The following CD109 variants were observed in gnomAD, a reference collection of about 807,000 sequenced individuals.
CD109 encodes the protein CD109 antigen.
In CD109, 149 loss-of-function variants were observed where a neutral mutation model predicts 165.8. The ratio of observed to expected loss-of-function variants is 0.90; its 90% CI spans 0.79 to 1.03. CD109 has a LOEUF of 1.03. Among genes scored for constraint, CD109 ranks in the 50% least tolerant of loss-of-function variants. The probability of loss-of-function intolerance (pLI) is 0.00; values close to 1 mark genes in which losing one functional copy is unlikely to be tolerated. For missense variants in CD109, 1,712 were observed against 1,677.8 expected (o/e 1.02, Z -0.36); for synonymous variants, 585 against 592.1 (o/e 0.99, Z 0.18).
intron 23 of CD109, among the ~76,000 whole-genome samples, chr6:73,801,741 T>C (rs1468249843): frequency 6.6e-6 from 1 of 152,214 alleles, no homozygotes; most frequent in Admixed American, 6.5e-5. Context: ...TAAAATATGG[T>C]ATTTATAAAG....
rs749431978 is a variant in CD109, at chr6:73,771,414, TTCTC to T, written c.1675-11_1675-8del. The stretch of plus-strand genomic sequence containing the variant: ...AAAAGTGAAATAAGTTAATCCTCCT[TTCTC>T]TCTTTTTTAGATAAAGCTATATTGG... On this transcript the variant is annotated splice_polypyrimidine_tract_variant and intron_variant, in intron 14 of 32. Transcript: ENST00000287097. 1 of 1,592,656 alleles carries T rather than the reference TTCTC, an allele frequency of 6.3e-7. No homozygotes were observed. Among genetic ancestry groups the T allele is most frequent in the Non-Finnish European group, 8.5e-7 (1 of 1,171,062 alleles).
In CD109 at chr6:73,810,988, A is replaced by G. The variant is rs747769811; in HGVS notation, c.3547-4A>G. On this transcript the variant is annotated splice_region_variant and splice_polypyrimidine_tract_variant and intron_variant, in intron 27 of 32. Transcript: ENST00000287097. Reference sequence around the variant, plus strand: ...ATGTACAAATGTTTTTCTTCCCTCAACAGGATACCACTGTGGCTTTAAAGG... The same window carrying G: ...ATGTACAAATGTTTTTCTTCCCTCAGCAGGATACCACTGTGGCTTTAAAGG... 24 of 1,609,844 alleles carry G rather than the reference A, an allele frequency of 1.5e-5. No individual in the cohort carries two copies. Among genetic ancestry groups the G allele is most frequent in the African/African-American group, 6.7e-5 (5 of 74,604 alleles).
chr6:73,812,890 C>A (rs1445335197), intron 29 of CD109, among the ~76,000 whole-genome samples: 2 of 151,910 alleles, frequency 1.3e-5, no homozygotes, highest in Non-Finnish European at 1.5e-5. Flanking sequence ...TGTGATAGGA[C>A]CAAAAATGGT....
chr6:73,759,651 T>C, intron 7 of CD109, among the ~76,000 whole-genome samples: 1 of 152,234 alleles, frequency 6.6e-6, no homozygotes, highest in Middle Eastern at 3.2e-3. Context: ...TAAAAATTTT[T>C]ATGTCTGAGA....
Position 73,806,960 on chromosome 6 carries a change from A to C in CD109, c.3077A>C (p.Glu1026Ala), listed in dbSNP as rs1775588002. The change falls in exon 25 of 33, where the codon GAA (glutamate) becomes GCA (alanine). Residue 1026 changes from glutamate (E) to alanine (A), a missense_variant. Glu to Ala is a moderately radical substitution (Grantham distance 107). Transcript: ENST00000287097. Reference protein sequence around the residue: ...WLKGHQKSNGEFWDPGRVIHS... With the variant: ...WLKGHQKSNGAFWDPGRVIHS... ...AAAGGACATCAGAAATCCAACGGTG[A>C]ATTTTGGGATCCAGGAAGAGTGATT... The C allele has an allele frequency of 1.2e-6, 2 of 1,614,026 alleles. No individual in the cohort carries two copies. Among genetic ancestry groups the C allele is most frequent in the Non-Finnish European group, 1.7e-6 (2 of 1,179,978 alleles).
intron 2 of CD109, among the ~76,000 whole-genome samples, chr6:73,717,402 C>T (rs951320160): frequency 1.4e-4 from 22 of 151,924 alleles, no homozygotes; most frequent in African/African-American, 3.6e-4. Flanking sequence ...AATTTCAATC[C>T]GTGAACATGG....
the CD109 span, among the ~76,000 whole-genome samples, chr6:73,680,708 A>G: frequency 1.1e-3 from 164 of 152,316 alleles, no homozygotes; most frequent in Middle Eastern, 0.024. Context: ...GGAAGAGGGC[A>G]TTTGGCCCAG....
chr6:73,723,750 GGGAGGGA>G (rs887731048), intron 3 of CD109, among the ~76,000 whole-genome samples: 14 of 152,314 alleles, frequency 9.2e-5, no homozygotes, highest in Middle Eastern at 3.4e-3. Flanking sequence ...GGAGGGTAGA[GGGAGGGA>G]GGAGGGAGAG....
chr6:73,774,044 T>G (rs1174366062), intron 15 of CD109, among the ~76,000 whole-genome samples: 1 of 152,256 alleles, frequency 6.6e-6, no homozygotes, highest in Non-Finnish European at 1.5e-5. Flanking sequence ...GTCTTTTATG[T>G]CAGCTATTAT....
At chr6:73,771,215 T>A (rs566956500) in intron 14 of CD109, among the ~76,000 whole-genome samples, 2 of 152,330 alleles carry the variant, frequency 1.3e-5, no homozygotes, top group Admixed American at 6.5e-5. Flanking sequence ...TAATTCAGAT[T>A]TATACCACTG....
intron 14 of CD109, among the ~76,000 whole-genome samples, 159 bp from the exon 15 acceptor site, chr6:73,771,263 TTTTTTTA>T (rs1390137840): frequency 1.3e-5 from 2 of 152,192 alleles, no homozygotes; most frequent in Non-Finnish European, 2.9e-5. Flanking sequence ...CTGGGCGTAG[TTTTTTTA>T]TTCCTTTCCC....
At chr6:73,755,865 G>A (rs1427219812) in intron 5 of CD109, among the ~76,000 whole-genome samples, 1 of 152,062 alleles carries the variant, frequency 6.6e-6, no homozygotes, top group African/African-American at 2.4e-5. Context: ...GTGGGCTGAG[G>A]CAGGAGAATC....
At chr6:73,736,270 G>T in intron 4 of CD109, 113 bp from the exon 5 acceptor site, 4 of 1,089,094 alleles carry the variant, frequency 3.7e-6, no homozygotes, top group Non-Finnish European at 5.2e-6. Flanking sequence ...CCGTATTTTG[G>T]AGTAAAGTTC....
chr6:73,721,388 A>T (rs1254868653), intron 2 of CD109, among the ~76,000 whole-genome samples: 1 of 149,216 alleles, frequency 6.7e-6, no homozygotes, highest in Admixed American at 6.7e-5. Context: ...TTTTTGAGAC[A>T]GTATCTCCCT....
Position 73,696,272 on chromosome 6 carries a change from G to A in CD109, c.57G>A (p.Ala19=). ...ACCTCCTCTGCGTGTGCACCGCCGC[G>A]CTGGCCGTGGCTCCCGGGTAGGAAC... ...AAHLLCVCTA[A]LAVAPGPRFL... Residue 19 remains alanine (A), a synonymous_variant, in exon 1 of 33, where the codon GCG becomes GCA. Coordinates refer to ENST00000287097, the MANE Select transcript of CD109 (RefSeq NM_133493.5). 6.5e-7 allele frequency: 1 copy of A among 1,528,182 alleles called. No individual in the cohort carries two copies. The highest frequency in any genetic ancestry group is 8.7e-7 in the Non-Finnish European group (1 of 1,143,174). 94.7% of individuals were successfully genotyped at this position (1,528,182 alleles called of 1,614,324 possible).
intron 15 of CD109, among the ~76,000 whole-genome samples, chr6:73,771,962 T>C (rs1487670830): frequency 6.6e-6 from 1 of 152,188 alleles, no homozygotes; most frequent in Non-Finnish European, 1.5e-5. Flanking sequence ...TGCAAGGTGA[T>C]AGATATGTTA....
At chr6:73,719,675 A>T (rs1025717048) in intron 2 of CD109, among the ~76,000 whole-genome samples, 2 of 152,154 alleles carry the variant, frequency 1.3e-5, no homozygotes, top group Non-Finnish European at 2.9e-5. Context: ...TGCTACATGG[A>T]TGGTATTCTC....
chr6:73,809,994 A>C lies in CD109; in HGVS notation c.3366A>C (p.Gln1122His). The change falls in exon 27 of 33, where the codon CAA (glutamine) becomes CAC (histidine). Residue 1122 changes from glutamine to histidine, a missense_variant. Physicochemically the swap from Gln to His is conservative, Grantham distance 24 (BLOSUM62 0). Coordinates refer to ENST00000287097, the MANE Select transcript of CD109 (RefSeq NM_133493.5). ...ACTTTTCTCTTGCAGGTGGCATGCA[A>C]TTCTGGGTGTCATCAGAGTCCAAAC... ...TWRAEQEGGMQFWVSSESKLS... is the reference protein window; with the variant it reads ...TWRAEQEGGMHFWVSSESKLS... 6.3e-7 allele frequency: 1 copy of C among 1,589,356 alleles called. No homozygotes were observed. Among genetic ancestry groups the C allele is most frequent in the Non-Finnish European group, 8.5e-7 (1 of 1,171,388 alleles).
At chr6:73,800,155 C>G (rs7749499) in intron 23 of CD109, among the ~76,000 whole-genome samples, 82,261 of 151,966 alleles carry the variant, frequency 0.54, 22,783 homozygotes, top group African/African-American at 0.66. Flanking sequence ...CTTGGCGCCT[C>G]GCCTCATTTC....
Sources: allele counts gnomAD v4.1 joint callset (sites outside exome capture counted in the v4.1 genomes callset), GRCh38; gene constraint gnomAD v4.1.1; transcripts MANE v1.5; gene names NCBI Gene and HGNC (gene_info 2026-07-23, HGNC 2026-07-21).